Variants in ZNF454 observed in about 807,000 individuals in gnomAD.
ZNF454 encodes the protein zinc finger protein 454.
In ZNF454, 30 loss-of-function variants were observed where a neutral mutation model predicts 48.2. The observed-to-expected ratio is 0.62, with a 90% CI of 0.47 to 0.84. The LOEUF (loss-of-function observed/expected upper bound fraction) is 0.84, where lower values mean the gene tolerates loss of function less well. ZNF454 is among the 40% of genes least tolerant of loss of function. ZNF454 has a pLI of 0.00. For missense variants in ZNF454, 510 were observed against 623.1 expected, an observed-to-expected ratio of 0.82 and a Z score of 1.93; for synonymous variants, 204 against 211.4, an observed-to-expected ratio of 0.97 and a Z score of 0.30.
downstream of ZNF454, chr5:178,969,495 G>A (rs184388621): frequency 1.8e-5 from 8 of 456,922 alleles, no homozygotes; most frequent in Admixed American, 1.9e-4. Flanking sequence ...ACCCAGCTGT[G>A]ACAAGATGAA....
At chr5:178,967,580 G>T (rs1170992803), downstream of ZNF454, among the ~76,000 whole-genome samples, 2 of 152,168 alleles carry the variant, frequency 1.3e-5, no homozygotes, top group African/African-American at 2.4e-5. Flanking sequence ...CATGCTGACA[G>T]TGGTGAGAAA....
downstream of ZNF454, among the ~76,000 whole-genome samples, chr5:178,966,828 A>C (rs534913079): frequency 1.3e-5 from 2 of 152,192 alleles, no homozygotes; most frequent in East Asian, 3.9e-4. Flanking sequence ...ATCCATTGTC[A>C]GATCTCTCTG....
At chr5:178,966,851 G>T (rs1760170776), downstream of ZNF454, among the ~76,000 whole-genome samples, 1 of 152,024 alleles carries the variant, frequency 6.6e-6, no homozygotes, top group African/African-American at 2.4e-5. Context: ...CTGTCTGCTG[G>T]CTTCATCCCT....
In ZNF454 at chr5:178,941,928, AC is replaced by A. The variant is rs1759104432; in HGVS notation, c.-108+487del. ...CTCCTTTCTGAGGAGGAAGAAGACC[AC>A]CCTCCTTTTCCTCTTCTCCTGTCAC... On this transcript the variant is annotated intron_variant, in intron 1 of 4. Coordinates refer to ENST00000519564, the MANE Select transcript of ZNF454 (RefSeq NM_001178089.3). This position sits in a 1 kb window ranked among gnomAD's most constrained non-coding sequence, Gnocchi z 5.5. 6.8e-6 allele frequency among the ~76,000 whole-genome samples: 1 copy of A among 147,244 alleles called. No individual in the cohort carries two copies.
At chr5:178,975,763 A>T in the ZNF454 span, 2 of 384,208 alleles carry the variant, frequency 5.2e-6, no homozygotes, top group Admixed American at 2.9e-5. Flanking sequence ...TTAATCAAAC[A>T]CTGATCTAGA....
the ZNF454 span, among the ~76,000 whole-genome samples, chr5:178,987,626 C>T: frequency 6.6e-6 from 1 of 152,026 alleles, no homozygotes; most frequent in East Asian, 1.9e-4. Flanking sequence ...AGAGAGGGGC[C>T]GTGGAATGGC....
chr5:178,958,125 ATATACATCTT>A (rs1378328956), intron 4 of ZNF454, among the ~76,000 whole-genome samples: 7 of 152,226 alleles, frequency 4.6e-5, no homozygotes, highest in African/African-American at 1.7e-4. Context: ...ACTGTTTTCT[ATATACATCTT>A]TATACTAAAA....
At position 178,964,922 on chromosome 5, in the gene ZNF454, C is replaced by T. The variant is rs372847132; in HGVS notation, c.518C>T (p.Pro173Leu). The part of the protein sequence containing the change: ...LHSDQSQGFQ[P>L]SKNAFECSEC... Reference sequence around the variant, plus strand: ...AGTGATCAAAGTCAGGGATTTCAACCTAGCAAAAATGCCTTTGAGTGTAGT... The same window carrying T: ...AGTGATCAAAGTCAGGGATTTCAACTTAGCAAAAATGCCTTTGAGTGTAGT... The change falls in exon 5 of 5, where the codon CCT (proline) becomes CTT (leucine). Residue 173 changes from proline (P) to leucine (L), a missense_variant. Pro to Leu is a moderately conservative substitution (Grantham distance 98). Around this residue, in one of 3 missense-constraint regions of ZNF454, gnomAD observed 354 missense variants for 408.9 expected, o/e 0.87. Transcript: ENST00000519564. The T allele has an allele frequency of 6.8e-6, 11 of 1,614,168 alleles. No individual in the cohort carries two copies. The highest frequency in any genetic ancestry group is 1.1e-5 in the South Asian group (1 of 91,078).
the ZNF454 span, among the ~76,000 whole-genome samples, chr5:178,988,538 A>C: frequency 2.6e-5 from 4 of 152,208 alleles, 1 homozygote; most frequent in Admixed American, 2.0e-4. This position sits in a 1 kb window ranked among gnomAD's most constrained non-coding sequence, Gnocchi z 6.0. Context: ...TGCCTGGCGC[A>C]TGACTCAGAG....
At chr5:178,969,086 A>G (rs573583751), downstream of ZNF454, among the ~76,000 whole-genome samples, 2 of 152,104 alleles carry the variant, frequency 1.3e-5, no homozygotes, top group Non-Finnish European at 2.9e-5. Flanking sequence ...TGACTTGAAT[A>G]TATTGATGGT....
the ZNF454 span, among the ~76,000 whole-genome samples, chr5:178,983,878 C>T: frequency 6.6e-6 from 1 of 152,198 alleles, no homozygotes; most frequent in East Asian, 1.9e-4. Context: ...AAGGGCTGCC[C>T]CACACGTTCG....
chr5:178,961,977 C>A (rs1760026723), intron 4 of ZNF454, among the ~76,000 whole-genome samples: 1 of 151,594 alleles, frequency 6.6e-6, no homozygotes, highest in Non-Finnish European at 1.5e-5. Context: ...TTTTCCATTG[C>A]TTTTCATGCC....
chr5:178,984,481 T>C, the ZNF454 span, among the ~76,000 whole-genome samples: 1 of 152,168 alleles, frequency 6.6e-6, no homozygotes, highest in Non-Finnish European at 1.5e-5. Context: ...CCTAGGCCAG[T>C]TGCAGGCTTG....
chr5:178,987,071 G>A, the ZNF454 span: 5 of 1,374,554 alleles, frequency 3.6e-6, no homozygotes, highest in South Asian at 1.2e-5. Context: ...CAGGAGAAAG[G>A]AGGAGCTTAA....
At chr5:178,958,437 C>T (rs1366708112) in intron 4 of ZNF454, among the ~76,000 whole-genome samples, 2 of 152,208 alleles carry the variant, frequency 1.3e-5, no homozygotes, top group Admixed American at 1.3e-4. Flanking sequence ...GGTTCATTCT[C>T]ATTGCTATAT....
In ZNF454 at chr5:178,953,558, G is replaced by C. The variant is rs144895032; in HGVS notation, c.250+6572G>C. On this transcript the variant is annotated intron_variant, in intron 4 of 4. Transcript: ENST00000519564. ...TTCACTGTGTCTCGTGTCTTCTTTC[G>C]TGGTTTGCTCTCTCCTTTTGGTGGC... Among the ~76,000 whole-genome samples the C allele has an allele frequency of 3.2e-4, 49 of 152,052 alleles. 1 individual carries two copies. Among genetic ancestry groups the C allele is most frequent in the African/African-American group, 1.1e-3 (47 of 41,470 alleles).
chr5:178,942,144 C>T (rs1229639525), intron 1 of ZNF454, among the ~76,000 whole-genome samples: 7 of 149,204 alleles, frequency 4.7e-5, no homozygotes, highest in African/African-American at 2.5e-5. Context: ...CGGCTCACGC[C>T]TGTAATCCCA....
At chr5:178,956,881 AT>A in intron 4 of ZNF454, 3 of 315,364 alleles carry the variant, frequency 9.5e-6, no homozygotes, top group Admixed American at 3.3e-5. Flanking sequence ...AATTTTTTGT[AT>A]TTTTTGTTTG....
chr5:178,964,363 A>G (rs541914434), intron 4 of ZNF454, among the ~76,000 whole-genome samples: 4 of 151,946 alleles, frequency 2.6e-5, no homozygotes, highest in South Asian at 2.1e-4. Context: ...CTCGTGATCC[A>G]CCCGCCTTGG....
Sources: gnomAD v4.1 joint callset for allele counts (sites outside exome capture counted in the v4.1 genomes callset) on GRCh38, gnomAD v4.1.1 for gene constraint, gnomAD v4.1.1 regional missense constraint, Gnocchi (gnomAD v3.1) non-coding constraint, MANE v1.5 for transcripts, NCBI Gene and HGNC (gene_info 2026-07-23, HGNC 2026-07-21) for gene names.